NEK1: variants seen among roughly 807,000 people sequenced by gnomAD.
NEK1 encodes the protein NIMA related kinase 1.
Under a neutral mutation model 182.1 loss-of-function variants are expected in NEK1, and 137 were observed. The observed-to-expected ratio is 0.75, with a 90% CI of 0.65 to 0.87. The LOEUF (loss-of-function observed/expected upper bound fraction) is 0.87. Ranked by LOEUF, NEK1 falls within the 40% of genes least tolerant of loss-of-function variation. NEK1 has a pLI of 0.00. For synonymous variants in NEK1, 513 were observed against 492.2 expected, an observed-to-expected ratio of 1.04 and a Z score of -0.56; for missense variants, 1,391 against 1,494.4, an observed-to-expected ratio of 0.93 and a Z score of 1.14.
chr4:169,508,139 C>A, intron 21 of NEK1, 109 bp downstream of exon 21: 1 of 912,026 alleles, frequency 1.1e-6, no homozygotes, highest in Non-Finnish European at 1.6e-6. Context: ...CTTCCACTGT[C>A]GTCATCAGTT....
At chr4:169,496,094 A>G (rs1456087792) in intron 23 of NEK1, among the ~76,000 whole-genome samples, 1 of 152,168 alleles carries the variant, frequency 6.6e-6, no homozygotes, top group Non-Finnish European at 1.5e-5. Context: ...AGTGGTTTGT[A>G]GTTCTCCTTG....
intron 27 of NEK1, among the ~76,000 whole-genome samples, chr4:169,439,134 T>C (rs748292283): frequency 1.6e-4 from 25 of 152,210 alleles, no homozygotes; most frequent in African/African-American, 5.5e-4. Context: ...CCTCAACTTA[T>C]TGTATTCAAG....
chr4:169,476,157 A>G (rs1228805498), intron 26 of NEK1, among the ~76,000 whole-genome samples: 1 of 152,128 alleles, frequency 6.6e-6, no homozygotes, highest in Non-Finnish European at 1.5e-5. Context: ...GCTCAAAACC[A>G]GTGATAAAGA....
chr4:169,611,430 A>G (rs1419469882), intron 2 of NEK1, among the ~76,000 whole-genome samples: 1 of 152,194 alleles, frequency 6.6e-6, no homozygotes, highest in Non-Finnish European at 1.5e-5. Flanking sequence ...TCAGCTCTAC[A>G]ATACTGCTGC....
At chr4:169,572,786 G>A (rs908786964) in intron 12 of NEK1, among the ~76,000 whole-genome samples, 1 of 151,994 alleles carries the variant, frequency 6.6e-6, no homozygotes, top group African/African-American at 2.4e-5. Flanking sequence ...CAAAAACTGA[G>A]GTCAAGGAAG....
chr4:169,506,961 A>T, intron 23 of NEK1, 76 bp downstream of exon 23: 1 of 892,910 alleles, frequency 1.1e-6, no homozygotes, highest in Non-Finnish European at 1.6e-6. Context: ...AGAAAATTAT[A>T]ATACTGATGT....
Position 169,438,150 on chromosome 4 carries a change from C to T in NEK1, c.2697G>A (p.Glu899=), listed in dbSNP as rs1395347001. The change falls in exon 28 of 36, where the codon GAG becomes GAA. Residue 899 remains glutamate, a synonymous_variant. Transcript: ENST00000507142. Reference sequence around the variant, plus strand: ...CCTCACTGAACTCGGGACTTTTTGTCTCAACAGGAGAATCAACAATAGCTG... The same window carrying T: ...CCTCACTGAACTCGGGACTTTTTGTTTCAACAGGAGAATCAACAATAGCTG... The part of the protein sequence containing the change: ...NPSAIVDSPV[E]TKSPEFSEAS... 1.2e-6 allele frequency: 2 copies of T among 1,610,894 alleles called. No homozygotes were observed. The highest frequency in any genetic ancestry group is 1.7e-4 in the Middle Eastern group (1 of 6,060).
At chr4:169,608,098 T>C (rs1334359874) in intron 2 of NEK1, among the ~76,000 whole-genome samples, 2 of 124,712 alleles carry the variant, frequency 1.6e-5, no homozygotes, top group Non-Finnish European at 3.4e-5. Flanking sequence ...GATTTTAAAG[T>C]TCAGACACAC....
intron 33 of NEK1, 56 bp downstream of exon 33, chr4:169,401,596 T>C (rs775630336): frequency 1.1e-4 from 166 of 1,487,638 alleles, no homozygotes; most frequent in Non-Finnish European, 1.5e-4. Context: ...AAATACACTC[T>C]ACTTGAAATA....
intron 31 of NEK1, among the ~76,000 whole-genome samples, chr4:169,407,017 T>A (rs1561132378): frequency 6.6e-6 from 1 of 152,076 alleles, no homozygotes; most frequent in Admixed American, 6.5e-5. Context: ...ACTAAACTTG[T>A]GAGTTATGTT....
At position 169,424,939 on chromosome 4, in the gene NEK1, C is replaced by T. The variant is rs4692723; in HGVS notation, c.2975-139G>A. The T allele has an allele frequency of 0.87, 646,580 of 746,072 alleles. 282,943 individuals are homozygous for T. The highest frequency in any genetic ancestry group is 0.92 in the South Asian group (34,895 of 38,036). The allele number at this position is 746,072 out of a possible 1,614,324, so 46.2% of individuals were successfully genotyped here. A position where few individuals can be genotyped will look rare whatever the true frequency, so the allele number is the denominator to read the frequency against. The stretch of plus-strand genomic sequence containing the variant: ...GAAAATAAAATCAAAATATGTGTGT[C>T]AGTATATTACCTTCTGAATAATCTT... On this transcript the variant is annotated intron_variant, in intron 30 of 35. Transcript: ENST00000507142.
intron 27 of NEK1, among the ~76,000 whole-genome samples, chr4:169,438,794 T>C (rs553034264): frequency 6.6e-6 from 1 of 152,346 alleles, no homozygotes; most frequent in Admixed American, 6.5e-5. Flanking sequence ...CTAATTTAGG[T>C]GATTTCTATA....
chr4:169,585,324 T>C, intron 10 of NEK1, 25 bp downstream of exon 10: 13 of 1,586,756 alleles, frequency 8.2e-6, no homozygotes, highest in Non-Finnish European at 1.1e-5. Context: ...CCCTACTGTT[T>C]AATTTTAAAG....
At chr4:169,597,228 T>C (rs919770883) in intron 5 of NEK1, among the ~76,000 whole-genome samples, 1 of 152,180 alleles carries the variant, frequency 6.6e-6, no homozygotes, top group East Asian at 1.9e-4. Context: ...ATAGTAGGTA[T>C]CTCCCTATTA....
chr4:169,532,312 G>A (rs570321884), intron 19 of NEK1, among the ~76,000 whole-genome samples: 14 of 152,264 alleles, frequency 9.2e-5, no homozygotes, highest in Admixed American at 3.9e-4. Flanking sequence ...GTTCTAACAC[G>A]AAGTATGTTG....
At position 169,463,247 on chromosome 4, in the gene NEK1, T is replaced by C. The variant is rs762007244; in HGVS notation, c.2583A>G (p.Arg861=). The change falls in exon 27 of 36, where the codon AGA becomes AGG. Residue 861 remains arginine (R), a synonymous_variant. Transcript: ENST00000507142. Reference sequence around the variant, plus strand: ...AAACTACCAGTTTCTCCTTACCACTTCTAATAGTTGTATTTTCTAATAGTT... The same window carrying C: ...AAACTACCAGTTTCTCCTTACCACTCCTAATAGTTGTATTTTCTAATAGTT... The part of the protein sequence containing the change: ...QTELLENTTI[R]SEISPEGEKY... 1 of 1,551,720 alleles carries C rather than the reference T, an allele frequency of 6.4e-7. No homozygotes were observed. Among genetic ancestry groups the C allele is most frequent in the Admixed American group, 1.9e-5 (1 of 54,012 alleles).
intron 19 of NEK1, among the ~76,000 whole-genome samples, chr4:169,524,158 C>T (rs886335401): frequency 1.3e-5 from 2 of 152,114 alleles, no homozygotes; most frequent in Admixed American, 6.5e-5. Flanking sequence ...AATTGTGGTA[C>T]AGTCACACAA....
intron 28 of NEK1, 87 bp downstream of exon 28, chr4:169,437,996 C>G (rs1035681998): frequency 1.1e-5 from 11 of 1,014,952 alleles, no homozygotes; most frequent in Non-Finnish European, 1.4e-5. Context: ...CAAACATATA[C>G]AAATTTTGAT....
intron 22 of NEK1, 39 bp from the exon 23 acceptor site, chr4:169,507,171 A>T: frequency 7.8e-7 from 1 of 1,277,134 alleles, no homozygotes; most frequent in Non-Finnish European, 1.1e-6. Context: ...GTTACCAGAA[A>T]GAAGGGCAGA....
Sources: allele counts gnomAD v4.1 joint callset (sites outside exome capture counted in the v4.1 genomes callset), GRCh38; gene constraint gnomAD v4.1.1; transcripts MANE v1.5; gene names NCBI Gene and HGNC (gene_info 2026-07-23, HGNC 2026-07-21).